The following ATG16L1 variants were observed in gnomAD, a reference collection of about 807,000 sequenced individuals.
The protein encoded by ATG16L1 is autophagy related 16 like 1, also known as autophagy-related protein 16-1.
In ATG16L1, 37 loss-of-function variants were observed where a neutral mutation model predicts 88.5. The ratio of observed to expected loss-of-function variants is 0.42; its 90% CI spans 0.32 to 0.55. The LOEUF is 0.55. Ranked by LOEUF, ATG16L1 falls within the 20% of genes least tolerant of loss-of-function variation. The probability of loss-of-function intolerance (pLI) is 0.13; values close to 1 mark genes in which losing one functional copy is unlikely to be tolerated. For synonymous variants in ATG16L1, 301 were observed against 281.0 expected (o/e 1.07, Z -0.71); for missense variants, 554 against 752.8 (o/e 0.74, Z 3.09).
chr2:233,268,813 C>T (rs1697783391), intron 5 of ATG16L1, among the ~76,000 whole-genome samples: 1 of 152,232 alleles, frequency 6.6e-6, no homozygotes, highest in Non-Finnish European at 1.5e-5. Flanking sequence ...GCTATACCCA[C>T]ATCCCTTCCC....
intron 12 of ATG16L1, 74 bp downstream of exon 12, chr2:233,282,827 G>C: frequency 7.4e-7 from 1 of 1,349,094 alleles, no homozygotes; most frequent in Non-Finnish European, 1.1e-6. Context: ...ACTGGCAGGT[G>C]CTTAATTAGG....
chr2:233,256,041 C>T, intron 1 of ATG16L1, 61 bp from the exon 2 acceptor site: 1 of 1,370,290 alleles, frequency 7.3e-7, no homozygotes, highest in Non-Finnish European at 1.0e-6. Context: ...AAGGTAGGTA[C>T]CTAGCAAGTG....
At chr2:233,286,423 TA>T (rs1699078784) in intron 12 of ATG16L1, among the ~76,000 whole-genome samples, 2 of 152,100 alleles carry the variant, frequency 1.3e-5, no homozygotes, top group South Asian at 4.2e-4. Context: ...TTGTTAATCA[TA>T]AAAATGAATT....
intron 6 of ATG16L1, among the ~76,000 whole-genome samples, chr2:233,272,667 C>A (rs1038519652): frequency 6.6e-6 from 1 of 152,188 alleles, no homozygotes; most frequent in African/African-American, 2.4e-5. Flanking sequence ...GTTATAGACT[C>A]AACAGATCAT....
chr2:233,258,049 A>C (rs1003275958), intron 2 of ATG16L1, among the ~76,000 whole-genome samples: 1 of 148,806 alleles, frequency 6.7e-6, no homozygotes, highest in Non-Finnish European at 1.5e-5. Flanking sequence ...ATATATCTAT[A>C]TCTATCTCTT....
intron 9 of ATG16L1, 105 bp downstream of exon 9, chr2:233,274,883 C>T: frequency 1.3e-6 from 1 of 781,224 alleles, no homozygotes; most frequent in Non-Finnish European, 2.0e-6. Context: ...CATTGTTTTA[C>T]TTATATCAAG....
At chr2:233,254,160 G>A (rs1696614691) in intron 1 of ATG16L1, among the ~76,000 whole-genome samples, 1 of 152,204 alleles carries the variant, frequency 6.6e-6, no homozygotes, top group South Asian at 2.1e-4. Flanking sequence ...CTTTGAAAAT[G>A]GCATCTTGAT....
chr2:233,260,904 C>A (rs1237600205), intron 2 of ATG16L1, among the ~76,000 whole-genome samples: 2 of 152,196 alleles, frequency 1.3e-5, no homozygotes, highest in Non-Finnish European at 2.9e-5. Flanking sequence ...ACATGATTAA[C>A]ACTTTCCATC....
At chr2:233,290,201 C>G (rs763892845) in intron 13 of ATG16L1, 47 bp from the exon 14 acceptor site, 2 of 1,586,586 alleles carry the variant, frequency 1.3e-6, no homozygotes, top group South Asian at 2.2e-5. Context: ...ATGTAAACAG[C>G]CACGTTGGTG....
chr2:233,263,386 A>G (rs934910267), intron 3 of ATG16L1, 151 bp downstream of exon 3: 49 of 676,288 alleles, frequency 7.2e-5, no homozygotes, highest in South Asian at 5.9e-5. Context: ...AAGGGTGAGG[A>G]AAACAGAATG....
chr2:233,254,587 A>C (rs548045733), intron 1 of ATG16L1, among the ~76,000 whole-genome samples: 26 of 152,096 alleles, frequency 1.7e-4, no homozygotes, highest in Non-Finnish European at 3.8e-4. Context: ...TTTGGGAAGG[A>C]CTCCTTTTGA....
rs765196973 is a variant in ATG16L1, at chr2:233,289,938, C to T, written c.1288C>T (p.Arg430Trp). 8 of 1,614,074 alleles carry T rather than the reference C, an allele frequency of 5.0e-6. No homozygotes were observed. Among genetic ancestry groups the T allele is most frequent in the East Asian group, 2.2e-5 (1 of 44,898 alleles). Residue 430 changes from arginine (R) to tryptophan (W), a missense_variant, in exon 13 of 18, where the codon CGG becomes TGG. Physicochemically the swap from Arg to Trp is moderately radical, Grantham distance 101. This residue lies in a region of ATG16L1 where 370 missense variants were observed against 509.7 expected (regional missense o/e 0.73). Coordinates refer to ENST00000392017, the MANE Select transcript of ATG16L1 (RefSeq NM_030803.7). Reference protein sequence around the residue: ...NARIVSGSHDRTLKLWDLRSK... With the variant: ...NARIVSGSHDWTLKLWDLRSK... ...GCGGATTGTCTCAGGAAGTCACGACCGGACTCTCAAACTCTGGGATCTACG... is the reference window on the plus strand; with the variant it reads ...GCGGATTGTCTCAGGAAGTCACGACTGGACTCTCAAACTCTGGGATCTACG...
At chr2:233,283,263 G>A (rs1261153184) in intron 12 of ATG16L1, among the ~76,000 whole-genome samples, 1 of 152,140 alleles carries the variant, frequency 6.6e-6, no homozygotes, top group African/African-American at 2.4e-5. Flanking sequence ...GAATTCTCTT[G>A]GCATCTGACA....
intron 17 of ATG16L1, 70 bp from the exon 18 acceptor site, chr2:233,294,187 G>A (rs770827257): frequency 6.4e-6 from 8 of 1,256,780 alleles, no homozygotes; most frequent in African/African-American, 1.5e-5. Flanking sequence ...CAAGCTTCTG[G>A]TGTTTGGTTT....
intron 12 of ATG16L1, among the ~76,000 whole-genome samples, chr2:233,286,079 G>A (rs1354977950): frequency 2.0e-5 from 3 of 152,136 alleles, no homozygotes; most frequent in Non-Finnish European, 2.9e-5. Context: ...TGGTGAAGTG[G>A]CCACAGTGAG....
At chr2:233,274,544 G>A (rs1161789859) in intron 8 of ATG16L1, 132 bp from the exon 9 acceptor site, 2 of 615,336 alleles carry the variant, frequency 3.3e-6, no homozygotes, top group African/African-American at 3.7e-5. Flanking sequence ...GTAGTTTGAA[G>A]AATCTAGAAG....
intron 1 of ATG16L1, among the ~76,000 whole-genome samples, chr2:233,254,413 C>T (rs575801700): frequency 1.3e-5 from 2 of 152,306 alleles, no homozygotes; most frequent in Non-Finnish European, 2.9e-5. Flanking sequence ...CTTCATTCCA[C>T]TCATTCCAGC....
chr2:233,292,326 T>A (rs1310191725), intron 15 of ATG16L1, 49 bp downstream of exon 15: 1 of 1,610,386 alleles, frequency 6.2e-7, no homozygotes, highest in Admixed American at 1.7e-5. Context: ...CCAGCCCTGC[T>A]CTCTTAACGT....
intron 9 of ATG16L1, among the ~76,000 whole-genome samples, chr2:233,275,196 G>A (rs1029286189): frequency 6.6e-6 from 1 of 152,204 alleles, no homozygotes; most frequent in African/African-American, 2.4e-5. Context: ...ATGACTCCCA[G>A]CCATTAGGGG....
Sources: allele counts gnomAD v4.1 joint callset (sites outside exome capture counted in the v4.1 genomes callset), GRCh38; gene constraint gnomAD v4.1.1; regional missense constraint gnomAD v4.1.1; transcripts MANE v1.5; gene names NCBI Gene and HGNC (gene_info 2026-07-23, HGNC 2026-07-21).